Variants in GRIK2 observed in about 807,000 individuals in gnomAD.
GRIK2 encodes glutamate ionotropic receptor kainate type subunit 2.
In GRIK2, 32 loss-of-function variants were observed where a neutral mutation model predicts 100.3. That is an observed-to-expected ratio of 0.32 (90% CI 0.24 to 0.43). GRIK2 has a LOEUF of 0.43. Among genes scored for constraint, GRIK2 ranks in the 20% least tolerant of loss-of-function variants. The pLI is 1.00. For synonymous variants in GRIK2, 417 were observed against 389.4 expected (o/e 1.07, Z -0.83); for missense variants, 843 against 1,114.9 (o/e 0.76, Z 3.47).
intron 2 of GRIK2, among the ~76,000 whole-genome samples, chr6:101,567,870 CCAT>C (rs1344745470): frequency 1.3e-5 from 2 of 151,816 alleles, no homozygotes; most frequent in Non-Finnish European, 2.9e-5. Flanking sequence ...TAATTATTTA[CCAT>C]CATAAGATAA....
intron 7 of GRIK2, chr6:101,744,552 A>ATATATG (rs1335722208): frequency 3.4e-4 from 42 of 121,940 alleles, no homozygotes; most frequent in Non-Finnish European, 6.9e-4. Context: ...ATATATATAT[A>ATATATG]TATATATCAC....
At chr6:101,546,186 CAA>C (rs1366408728) in intron 2 of GRIK2, among the ~76,000 whole-genome samples, 1 of 152,088 alleles carries the variant, frequency 6.6e-6, no homozygotes, top group African/African-American at 2.4e-5. Context: ...ACAATAAACA[CAA>C]GAAAATTCTT....
intron 10 of GRIK2, among the ~76,000 whole-genome samples, chr6:101,842,603 A>T (rs939782997): frequency 2.0e-5 from 3 of 152,160 alleles, no homozygotes; most frequent in African/African-American, 7.2e-5. Flanking sequence ...TAGGTATTCA[A>T]AAAACTTTTT....
chr6:101,738,898 G>GTGAA (rs773544442), intron 7 of GRIK2, among the ~76,000 whole-genome samples: 3 of 152,222 alleles, frequency 2.0e-5, no homozygotes, highest in Non-Finnish European at 4.4e-5. Flanking sequence ...GATAAGTGCT[G>GTGAA]TGAAGTAAAA....
At chr6:101,760,462 TATTTAA>T (rs1370319509) in intron 7 of GRIK2, among the ~76,000 whole-genome samples, 1,725 of 23,234 alleles carry the variant, frequency 0.074, 269 homozygotes, top group Non-Finnish European at 0.089. Flanking sequence ...TAATTAATTA[TATTTAA>T]TTATATATTT....
rs2128245999 is a variant in GRIK2 at position 101,440,956 on chromosome 6, T to C, written c.115+41564T>C. On this transcript the variant is annotated intron_variant, in intron 2 of 16. Coordinates refer to ENST00000369134, the MANE Select transcript of GRIK2 (RefSeq NM_021956.5). ...GGAGAGTGTTAGATGGTCTATCTTC[T>C]ACCTTGCAGGCCTGAATTTTTTTTT... is the stretch of plus-strand genomic sequence containing the variant. Among the ~76,000 whole-genome samples the C allele has an allele frequency of 2.0e-5, 3 of 151,812 alleles. No individual in the cohort carries two copies. In the South Asian group the frequency reaches 6.3e-4, roughly 32 times the overall value.
At chr6:101,562,312 T>C (rs1267698165) in intron 2 of GRIK2, among the ~76,000 whole-genome samples, 1 of 152,140 alleles carries the variant, frequency 6.6e-6, no homozygotes, top group Non-Finnish European at 1.5e-5. Flanking sequence ...TCTGTCATAA[T>C]GGACACGGCA....
chr6:101,735,471 A>G (rs1775570374), intron 7 of GRIK2, among the ~76,000 whole-genome samples: 1 of 152,202 alleles, frequency 6.6e-6, no homozygotes, highest in Admixed American at 6.5e-5. Flanking sequence ...ACAGCTCTGC[A>G]TGGCTGGAGA....
At chr6:101,722,800 A>G (rs1301792307) in intron 7 of GRIK2, among the ~76,000 whole-genome samples, 5 of 152,106 alleles carry the variant, frequency 3.3e-5, no homozygotes, top group African/African-American at 1.2e-4. Flanking sequence ...GTGGAACCAG[A>G]GTCAGAATCC....
intron 14 of GRIK2, among the ~76,000 whole-genome samples, chr6:101,956,708 T>C (rs985815133): frequency 2.0e-5 from 3 of 151,404 alleles, no homozygotes; most frequent in African/African-American, 7.3e-5. Flanking sequence ...GCAAAAGACA[T>C]GATTTCATTC....
intron 4 of GRIK2, among the ~76,000 whole-genome samples, chr6:101,669,069 A>G (rs1302747790): frequency 6.6e-6 from 1 of 152,198 alleles, no homozygotes; most frequent in East Asian, 1.9e-4. Context: ...CTCATCTACC[A>G]AAATATAAGG....
rs370839957 is a variant in GRIK2 at position 102,041,562 on chromosome 6, T to C, written c.2311+5996T>C. ...AGCATGTTGCATGGAGTCTTTGGCC[T>C]TTGTAGTCAGATGACCTGTGTGCAA... is the stretch of plus-strand genomic sequence containing the variant. On this transcript the variant is annotated intron_variant, in intron 15 of 16. Coordinates refer to ENST00000369134, the MANE Select transcript of GRIK2 (RefSeq NM_021956.5). Among the ~76,000 whole-genome samples, 23 of 151,652 alleles carry C rather than the reference T, an allele frequency of 1.5e-4. No individual in the cohort carries two copies. In the East Asian group the frequency reaches 3.5e-3, roughly 23 times the overall value.
chr6:101,579,805 C>G (rs1402025476), intron 2 of GRIK2, among the ~76,000 whole-genome samples: 1 of 147,808 alleles, frequency 6.8e-6, no homozygotes, highest in East Asian at 2.0e-4. Context: ...GAGCCGAGAT[C>G]ATGCCACTGA....
At chr6:101,944,218 T>C (rs894866094) in intron 14 of GRIK2, among the ~76,000 whole-genome samples, 4 of 152,188 alleles carry the variant, frequency 2.6e-5, no homozygotes, top group Admixed American at 1.3e-4. Flanking sequence ...CCTAGCCATG[T>C]AGAACTTTGA....
At position 101,917,586 on chromosome 6, in the gene GRIK2, C is replaced by CT. The variant is rs550289967; in HGVS notation, c.1749-7004dup. On this transcript the variant is annotated intron_variant, in intron 12 of 16. Transcript: ENST00000369134. ...AAGTTAGCATTACCTTGTCACTTGC[C>CT]TTTTTTTTTTTAAGTTTGGATGATG... Among the ~76,000 whole-genome samples, 176 of 144,218 alleles carry CT rather than the reference C, an allele frequency of 1.2e-3. 2 individuals are homozygous for CT. The highest frequency in any genetic ancestry group is 7.5e-3 in the South Asian group (34 of 4,562). 94.6% of individuals were successfully genotyped at this position (144,218 alleles called of 152,430 possible). A position where few individuals can be genotyped will look rare whatever the true frequency, so the allele number is the denominator to read the frequency against.
intron 2 of GRIK2, among the ~76,000 whole-genome samples, chr6:101,508,691 T>A (rs1036494451): frequency 1.3e-5 from 2 of 152,174 alleles, no homozygotes; most frequent in African/African-American, 4.8e-5. Context: ...TGGATAACAT[T>A]ATAATTATTT....
At chr6:101,886,946 C>G (rs1786683711) in intron 11 of GRIK2, among the ~76,000 whole-genome samples, 1 of 151,038 alleles carries the variant, frequency 6.6e-6, no homozygotes, top group Admixed American at 6.6e-5. Flanking sequence ...CTGCTTCAGC[C>G]TCCCGAGTAG....
chr6:101,550,485 A>T (rs936752817), intron 2 of GRIK2, among the ~76,000 whole-genome samples: 4 of 152,142 alleles, frequency 2.6e-5, no homozygotes, highest in African/African-American at 7.2e-5. Context: ...CATAGATTGG[A>T]TATTGAGGAT....
chr6:101,786,563 C>G (rs1779434460), intron 7 of GRIK2, among the ~76,000 whole-genome samples: 1 of 151,946 alleles, frequency 6.6e-6, no homozygotes, highest in Non-Finnish European at 1.5e-5. Context: ...GATTTTTACC[C>G]TTTATTCTAT....
Sources: allele counts gnomAD v4.1 joint callset (sites outside exome capture counted in the v4.1 genomes callset), GRCh38; gene constraint gnomAD v4.1.1; transcripts MANE v1.5; gene names NCBI Gene and HGNC (gene_info 2026-07-23, HGNC 2026-07-21).